PHACTR3: variants seen among roughly 807,000 people sequenced by gnomAD.
The protein encoded by PHACTR3 is protein phosphatase 1, regulatory subunit 123.
Under a neutral mutation model 66.8 loss-of-function variants are expected in PHACTR3, and 16 were observed. That is an observed-to-expected ratio of 0.24 (90% CI 0.16 to 0.36). The LOEUF (loss-of-function observed/expected upper bound fraction) is 0.36, where lower values mean the gene tolerates loss of function less well. Ranked by LOEUF, PHACTR3 falls within the 10% of genes least tolerant of loss-of-function variation. The pLI is 1.00. For synonymous variants in PHACTR3, 323 were observed against 292.1 expected, an observed-to-expected ratio of 1.11 and a Z score of -1.08; for missense variants, 647 against 719.9, an observed-to-expected ratio of 0.90 and a Z score of 1.16.
intron 8 of PHACTR3, among the ~76,000 whole-genome samples, chr20:59,808,832 G>A (rs2041647811): frequency 6.6e-6 from 1 of 152,206 alleles, no homozygotes; most frequent in East Asian, 1.9e-4. Flanking sequence ...TCCCCAGCCA[G>A]GGAACCATTG....
At chr20:59,840,522 C>T in intron 10 of PHACTR3, 92 bp downstream of exon 10, 1 of 1,544,706 alleles carries the variant, frequency 6.5e-7, no homozygotes, top group Non-Finnish European at 8.7e-7. Context: ...CTAGGTATCA[C>T]TCTGTGATCA....
At position 59,635,169 on chromosome 20, in the gene PHACTR3, C is replaced by CTTTCTTTCTTT. The variant is rs1555881178; in HGVS notation, c.118+30037_118+30038insTTTCTTTCTTT. On this transcript the variant is annotated intron_variant, in intron 1 of 12. Coordinates refer to ENST00000371015, the MANE Select transcript of PHACTR3 (RefSeq NM_080672.5). ...TTTCTTTTTCTTTCTTTCTTTCTTT[C>CTTTCTTTCTTT]CTTTCTTTCTTTCTTTCTTTCTTTC... Among the ~76,000 whole-genome samples the CTTTCTTTCTTT allele has an allele frequency of 2.3e-3, 125 of 55,378 alleles. 9 individuals carry two copies. The highest frequency in any genetic ancestry group is 8.5e-3 in the Middle Eastern group (1 of 118). 36.3% of individuals were successfully genotyped at this position (55,378 alleles called of 152,430 possible).
intron 1 of PHACTR3, among the ~76,000 whole-genome samples, chr20:59,640,786 G>A (rs1247882127): frequency 6.6e-6 from 1 of 152,180 alleles, no homozygotes; most frequent in African/African-American, 2.4e-5. Context: ...TTGCAAAGGT[G>A]ATGAACTCCA....
At chr20:59,674,722 TC>T (rs1407400583) in intron 1 of PHACTR3, among the ~76,000 whole-genome samples, 4 of 62,988 alleles carry the variant, frequency 6.4e-5, no homozygotes, top group Admixed American at 4.3e-4. Context: ...CTTCTCCTGT[TC>T]CCCCTCCTCC....
intron 1 of PHACTR3, among the ~76,000 whole-genome samples, chr20:59,621,291 G>A (rs1431523852): frequency 5.3e-5 from 8 of 152,328 alleles, no homozygotes; most frequent in Non-Finnish European, 8.8e-5. Context: ...TGATGTAGCC[G>A]GGTTCCCCAG....
chr20:59,618,572 C>T (rs960264366), intron 1 of PHACTR3, among the ~76,000 whole-genome samples: 1 of 152,136 alleles, frequency 6.6e-6, no homozygotes, highest in African/African-American at 2.4e-5. Flanking sequence ...AGAGGAGGCT[C>T]AATCTCAGCT....
intron 8 of PHACTR3, among the ~76,000 whole-genome samples, chr20:59,817,861 G>A (rs527939316): frequency 5.4e-4 from 83 of 152,338 alleles, no homozygotes; most frequent in African/African-American, 1.8e-3. Flanking sequence ...GATTTGGCCC[G>A]GGACCACCCA....
intron 1 of PHACTR3, among the ~76,000 whole-genome samples, chr20:59,662,212 G>A (rs185362894): frequency 6.6e-6 from 1 of 152,148 alleles, no homozygotes; most frequent in Admixed American, 6.5e-5. Flanking sequence ...GTAGTCTTGA[G>A]AGACACAGAC....
intron 1 of PHACTR3, among the ~76,000 whole-genome samples, chr20:59,626,012 G>T (rs2034434050): frequency 6.6e-6 from 1 of 152,102 alleles, no homozygotes; most frequent in Non-Finnish European, 1.5e-5. Context: ...AGCCCATCTT[G>T]GGGTACCAGG....
At chr20:59,674,383 C>T (rs959856421) in intron 1 of PHACTR3, among the ~76,000 whole-genome samples, 1 of 144,250 alleles carries the variant, frequency 6.9e-6, no homozygotes, top group African/African-American at 2.7e-5. Flanking sequence ...TGTTCCTTCC[C>T]CTTCTCCTGT....
At chr20:59,630,025 C>T (rs2034608357) in intron 1 of PHACTR3, among the ~76,000 whole-genome samples, 1 of 152,096 alleles carries the variant, frequency 6.6e-6, no homozygotes, top group Non-Finnish European at 1.5e-5. Flanking sequence ...AAGCCCAGCC[C>T]ACGGGCAAGT....
chr20:59,664,627 T>G (rs973767231), intron 1 of PHACTR3, among the ~76,000 whole-genome samples: 5 of 152,214 alleles, frequency 3.3e-5, no homozygotes, highest in African/African-American at 9.6e-5. Flanking sequence ...AGTGCCTCAC[T>G]GCTGGCAGAA....
In PHACTR3 at chr20:59,814,686, A is replaced by C. The variant is rs374518413; in HGVS notation, c.1328+8492A>C. Among the ~76,000 whole-genome samples, 4 of 152,212 alleles carry C rather than the reference A, an allele frequency of 2.6e-5. No individual in the cohort carries two copies. In the East Asian group the frequency reaches 5.8e-4, roughly 22 times the overall value. Reference sequence around the variant, plus strand: ...CTCCAGTTTCACACACTTGGACAGAAGGGAGTGGTTGTTTTTCACTGACCG... The same window carrying C: ...CTCCAGTTTCACACACTTGGACAGACGGGAGTGGTTGTTTTTCACTGACCG... On this transcript the variant is annotated intron_variant, in intron 8 of 12. Coordinates refer to ENST00000371015, the MANE Select transcript of PHACTR3 (RefSeq NM_080672.5).
At chr20:59,591,129 G>C (rs962644270) in intron 1 of PHACTR3, among the ~76,000 whole-genome samples, 1 of 152,164 alleles carries the variant, frequency 6.6e-6, no homozygotes, top group Non-Finnish European at 1.5e-5. Context: ...GAATATTCTA[G>C]CGCATGGTGC....
At chr20:59,629,751 A>G (rs148093815) in intron 1 of PHACTR3, among the ~76,000 whole-genome samples, 1 of 152,264 alleles carries the variant, frequency 6.6e-6, no homozygotes, top group Non-Finnish European at 1.5e-5. Flanking sequence ...AATTCTCTTA[A>G]TCTCACAATT....
At chr20:59,760,011 C>CT (rs2146840084) in intron 4 of PHACTR3, among the ~76,000 whole-genome samples, 1 of 152,240 alleles carries the variant, frequency 6.6e-6, no homozygotes, top group East Asian at 1.9e-4. Context: ...CATTGCTGTC[C>CT]TGAAAGGTCA....
chr20:59,744,299 C>G (rs984015442), intron 2 of PHACTR3, among the ~76,000 whole-genome samples: 1 of 152,192 alleles, frequency 6.6e-6, no homozygotes, highest in Non-Finnish European at 1.5e-5. Flanking sequence ...TGTGGTGGCT[C>G]GTCAGCCTGG....
intron 8 of PHACTR3, among the ~76,000 whole-genome samples, chr20:59,818,102 G>A (rs557941122): frequency 6.6e-6 from 1 of 152,302 alleles, no homozygotes; most frequent in East Asian, 1.9e-4. Flanking sequence ...GCCCTTGTGT[G>A]CGGCCCTCTC....
At chr20:59,824,371 C>T (rs1003162722) in intron 8 of PHACTR3, among the ~76,000 whole-genome samples, 8 of 152,238 alleles carry the variant, frequency 5.3e-5, no homozygotes, top group African/African-American at 1.9e-4. Context: ...AGAGAAGCCA[C>T]TATTCAAGCA....
Sources: gnomAD v4.1 joint callset for allele counts (sites outside exome capture counted in the v4.1 genomes callset) on GRCh38, gnomAD v4.1.1 for gene constraint, MANE v1.5 for transcripts, NCBI Gene and HGNC (gene_info 2026-07-23, HGNC 2026-07-21) for gene names.